The following CASK variants were observed in gnomAD, a reference collection of about 807,000 sequenced individuals.
CASK encodes peripheral plasma membrane protein CASK.
CASK carries 4 observed loss-of-function variants against 82.9 expected under a neutral mutation model. That is an observed-to-expected ratio of 0.05 (90% confidence interval 0.02 to 0.11). The LOEUF is 0.11. CASK is among the 10% of genes least tolerant of loss of function. The pLI is 1.00. For synonymous variants in CASK, 259 were observed against 253.5 expected (o/e 1.02, Z -0.20); for missense variants, 358 against 720.9 (o/e 0.50, Z 5.76).
At chrX:41,700,621 C>T (rs867128627) in intron 5 of CASK, among the ~76,000 whole-genome samples, 1 of 99,237 alleles carries the variant, frequency 1.0e-5, no homozygotes, top group African/African-American at 3.7e-5. Context: ...ACTCTGTCAC[C>T]CAGGCTGGAG....
At chrX:41,561,666 T>G (rs191096603) in intron 16 of CASK, 22 bp from the exon 17 acceptor site, 1 of 1,046,354 alleles carries the variant, frequency 9.6e-7, no homozygotes, top group Non-Finnish European at 1.3e-6. Flanking sequence ...TATAACATTA[T>G]AAACATGAAA....
At chrX:41,767,294 T>C (rs1389795537) in intron 3 of CASK, among the ~76,000 whole-genome samples, 1 of 111,688 alleles carries the variant, frequency 9.0e-6, no homozygotes, top group Non-Finnish European at 1.9e-5. Context: ...TTCCTATATA[T>C]GGGTTCCACA....
At chrX:41,812,991 A>G (rs2070330000) in intron 2 of CASK, among the ~76,000 whole-genome samples, 1 of 111,712 alleles carries the variant, frequency 9.0e-6, no homozygotes, top group African/African-American at 3.3e-5. Context: ...CCCATTCACA[A>G]TTACTTCAAA....
intron 9 of CASK, among the ~76,000 whole-genome samples, chrX:41,633,207 CA>C (rs2066503679): frequency 9.0e-6 from 1 of 111,028 alleles, no homozygotes. Context: ...CTTACCCAAA[CA>C]TAGAATATTG....
intron 5 of CASK, among the ~76,000 whole-genome samples, chrX:41,710,791 C>T (rs923271538): frequency 8.1e-5 from 9 of 111,633 alleles, no homozygotes; most frequent in African/African-American, 2.9e-4. Flanking sequence ...GGGAGAGGGG[C>T]TGAAGGTTAA....
At chrX:41,596,109 C>G (rs191927378) in intron 12 of CASK, among the ~76,000 whole-genome samples, 1 of 106,718 alleles carries the variant, frequency 9.4e-6, no homozygotes, top group Admixed American at 1.0e-4. Flanking sequence ...GCAGGAGGAT[C>G]GCTTGAACCC....
intron 14 of CASK, among the ~76,000 whole-genome samples, chrX:41,581,358 C>A (rs1245808578): frequency 9.2e-6 from 1 of 108,748 alleles, no homozygotes; most frequent in Non-Finnish European, 1.9e-5. Flanking sequence ...CCTATCTAGG[C>A]AATAGAGCAA....
At chrX:41,727,157 T>C in intron 5 of CASK, 1 of 1,207,266 alleles carries the variant, frequency 8.3e-7, no homozygotes, top group South Asian at 1.8e-5. Context: ...TTAACAAAAA[T>C]AGGTAAAAAA....
Position 41,517,127 on chromosome X carries a change from C to A in CASK, c.*3293G>T, listed in dbSNP as rs1418916555. Reference sequence around the variant, plus strand: ...GGCCTGCCTGGAGCACAGGGGAAGGCTTGGCCCACTGGCTGTCTCTAGCAG... The same window carrying A: ...GGCCTGCCTGGAGCACAGGGGAAGGATTGGCCCACTGGCTGTCTCTAGCAG... On this transcript the variant is annotated 3_prime_UTR_variant, in exon 27 of 27. Transcript: ENST00000378163. 8.8e-6 allele frequency: 1 copy of A among 113,261 alleles called. No homozygotes were observed. 9.3% of individuals were successfully genotyped at this position (113,261 alleles called of 1,213,427 possible). A position where few individuals can be genotyped will look rare whatever the true frequency, so the allele number is the denominator to read the frequency against.
chrX:41,522,355 T>C (rs2064649396), intron 26 of CASK: 1 of 112,266 alleles, frequency 8.9e-6, no homozygotes, highest in Non-Finnish European at 1.9e-5. Flanking sequence ...CTACCTGTTT[T>C]GTCCTCTTTT....
chrX:41,766,755 C>T (rs888658380), intron 3 of CASK, among the ~76,000 whole-genome samples: 4 of 111,150 alleles, frequency 3.6e-5, no homozygotes, highest in South Asian at 7.6e-4. Context: ...GGCATGGTGA[C>T]GCGCACCTGT....
chrX:41,818,516 T>C (rs184986796), intron 2 of CASK, among the ~76,000 whole-genome samples: 3 of 109,618 alleles, frequency 2.7e-5, no homozygotes, highest in East Asian at 2.9e-4. Flanking sequence ...GGTGGGAGGA[T>C]TGATTGAACC....
At chrX:41,723,578 T>C (rs1055742337) in intron 5 of CASK, among the ~76,000 whole-genome samples, 2 of 111,468 alleles carry the variant, frequency 1.8e-5, no homozygotes, top group Non-Finnish European at 3.8e-5. Flanking sequence ...CAAATGGAGA[T>C]AGTGCAGGGC....
chrX:41,579,967 G>T (rs998075015), intron 14 of CASK, among the ~76,000 whole-genome samples: 13 of 111,727 alleles, frequency 1.2e-4, no homozygotes, highest in Non-Finnish European at 2.4e-4. Context: ...CAGAAGGCTG[G>T]TCTAAACTGG....
At chrX:41,918,801 T>C (rs1342847461) in intron 1 of CASK, among the ~76,000 whole-genome samples, 2 of 112,404 alleles carry the variant, frequency 1.8e-5, no homozygotes, top group Non-Finnish European at 3.8e-5. Context: ...ATTACATACA[T>C]AATCTAAGTT....
In CASK at chrX:41,624,520, C is replaced by T. The variant is rs543708284; in HGVS notation, c.1016-1886G>A. Among the ~76,000 whole-genome samples the T allele has an allele frequency of 2.7e-4, 30 of 112,253 alleles. 1 individual carries two copies. In the South Asian group the frequency reaches 0.01, roughly 39 times the overall value. ...TAACTGCTGGAATGGGAAAGTTGATCTTGTCATTTTAAAAAAGTTCTAAAT... is the reference window on the plus strand; with the variant it reads ...TAACTGCTGGAATGGGAAAGTTGATTTTGTCATTTTAAAAAAGTTCTAAAT... On this transcript the variant is annotated intron_variant, in intron 10 of 26. Coordinates refer to ENST00000378163, the MANE Select transcript of CASK (RefSeq NM_001367721.1).
chrX:41,838,572 A>G (rs1476395404), intron 2 of CASK, among the ~76,000 whole-genome samples: 1 of 111,207 alleles, frequency 9.0e-6, no homozygotes, highest in Non-Finnish European at 1.9e-5. Flanking sequence ...CCTGGCCAAC[A>G]TGGTGAAACC....
intron 1 of CASK, among the ~76,000 whole-genome samples, chrX:41,891,471 T>C (rs1031543320): frequency 4.5e-5 from 5 of 111,858 alleles, no homozygotes; most frequent in African/African-American, 1.6e-4. Flanking sequence ...AAAAGAAATA[T>C]AGAGCAGGTT....
intron 2 of CASK, among the ~76,000 whole-genome samples, chrX:41,808,135 G>A (rs2070168986): frequency 8.9e-6 from 1 of 112,040 alleles, no homozygotes; most frequent in Non-Finnish European, 1.9e-5. Flanking sequence ...GATTACAGGT[G>A]TGAGCCATCG....
Sources: gnomAD v4.1 joint callset for allele counts (sites outside exome capture counted in the v4.1 genomes callset) on GRCh38, gnomAD v4.1.1 for gene constraint, MANE v1.5 for transcripts, NCBI Gene and HGNC (gene_info 2026-07-23, HGNC 2026-07-21) for gene names.